RAD21: variants seen among roughly 807,000 people sequenced by gnomAD.
The protein encoded by RAD21 is double-strand-break repair protein rad21 homolog.
A neutral mutation model predicts 71.5 loss-of-function variants in RAD21; 18 were observed. The ratio of observed to expected loss-of-function variants is 0.25; its 90% CI spans 0.17 to 0.37. RAD21 has a LOEUF of 0.37. Among genes scored for constraint, RAD21 ranks in the 10% least tolerant of loss-of-function variants. RAD21 has a pLI of 1.00. For synonymous variants in RAD21, 248 were observed against 254.0 expected, an observed-to-expected ratio of 0.98 and a Z score of 0.22; for missense variants, 493 against 769.1, an observed-to-expected ratio of 0.64 and a Z score of 4.25.
intron 3 of RAD21, among the ~76,000 whole-genome samples, chr8:116,862,576 ATTATT>A (rs1166405328): frequency 6.6e-6 from 1 of 152,078 alleles, no homozygotes; most frequent in Non-Finnish European, 1.5e-5. Flanking sequence ...TAAAATACAC[ATTATT>A]TTAATTAGAA....
chr8:116,848,912 G>A, intron 13 of RAD21, 34 bp downstream of exon 13: 1 of 1,549,496 alleles, frequency 6.5e-7, no homozygotes, highest in Non-Finnish European at 8.8e-7. Context: ...AGCCTTTGAT[G>A]AAGCATTTTC....
chr8:116,872,696 T>C (rs1812854511), intron 1 of RAD21, among the ~76,000 whole-genome samples: 1 of 152,220 alleles, frequency 6.6e-6, no homozygotes, highest in Non-Finnish European at 1.5e-5. Flanking sequence ...CAGTTCAGTT[T>C]CCCTACTATG....
intron 9 of RAD21, among the ~76,000 whole-genome samples, chr8:116,853,733 T>C (rs957792318): frequency 3.3e-5 from 5 of 152,140 alleles, no homozygotes; most frequent in Non-Finnish European, 5.9e-5. Flanking sequence ...TCAGACAGAA[T>C]AGTAGCCTAA....
intron 3 of RAD21, 70 bp from the exon 4 acceptor site, chr8:116,862,010 T>A: frequency 8.4e-7 from 1 of 1,186,592 alleles, no homozygotes; most frequent in Non-Finnish European, 1.2e-6. Flanking sequence ...GGGAGATAAG[T>A]AGGTATAACT....
chr8:116,871,355 C>A (rs1476482539), intron 1 of RAD21, among the ~76,000 whole-genome samples: 1 of 152,088 alleles, frequency 6.6e-6, no homozygotes, highest in African/African-American at 2.4e-5. Flanking sequence ...AAGCGGCAAG[C>A]AGTTTTTTTC....
chr8:116,857,653 A>C (rs567327348), intron 5 of RAD21, among the ~76,000 whole-genome samples, 180 bp from the exon 6 acceptor site: 154 of 152,344 alleles, frequency 1.0e-3, no homozygotes, highest in Non-Finnish European at 1.9e-3. Flanking sequence ...AAAATGACTC[A>C]ATTACACACA....
intron 12 of RAD21, among the ~76,000 whole-genome samples, chr8:116,849,733 C>T (rs1812312152): frequency 6.6e-6 from 1 of 152,164 alleles, no homozygotes; most frequent in Non-Finnish European, 1.5e-5. Flanking sequence ...TCATTCACAA[C>T]TAAGTCTGAG....
rs766247586 is a variant in RAD21, at chr8:116,866,718, T to A, written c.12A>T (p.Ala4=). 1 of 1,610,298 alleles carries A rather than the reference T, an allele frequency of 6.2e-7. No individual in the cohort carries two copies. Among genetic ancestry groups the A allele is most frequent in the East Asian group, 2.2e-5 (1 of 44,824 alleles). ...GCCCTCTTTTACTGAGAACAAAATG[T>A]GCGTAGAACATTGTTCTGGCTGGCT... is the stretch of plus-strand genomic sequence containing the variant. MFY[A]HFVLSKRGPL... The change falls in exon 2 of 14, where the codon GCA becomes GCT. Residue 4 remains alanine (A), a synonymous_variant. Transcript: ENST00000297338.
At chr8:116,849,759 C>T (rs866347438) in intron 12 of RAD21, among the ~76,000 whole-genome samples, 2 of 152,242 alleles carry the variant, frequency 1.3e-5, no homozygotes, top group East Asian at 3.9e-4. Context: ...GGCACATCCT[C>T]ACACATAGGT....
intron 9 of RAD21, among the ~76,000 whole-genome samples, chr8:116,853,518 T>A (rs931451815): frequency 6.6e-6 from 1 of 152,216 alleles, no homozygotes; most frequent in Non-Finnish European, 1.5e-5. Context: ...TTCCACACTT[T>A]GAATTACTTC....
At chr8:116,857,178 C>G (rs1671230851) in intron 6 of RAD21, 89 bp downstream of exon 6, 10 of 1,153,400 alleles carry the variant, frequency 8.7e-6, no homozygotes, top group Non-Finnish European at 1.3e-5. Context: ...AAAAGCTGTT[C>G]AAGACTCAGA....
At chr8:116,870,929 T>C (rs2130492972) in intron 1 of RAD21, among the ~76,000 whole-genome samples, 1 of 152,280 alleles carries the variant, frequency 6.6e-6, no homozygotes, top group African/African-American at 2.4e-5. Flanking sequence ...CAGCTGCTGG[T>C]CAGAGCACCG....
rs1280816264 is a variant in RAD21, at chr8:116,856,217, G to GTGT, written c.883_885dup (p.Thr295dup). ...AATGCTTCTTCCTCATTTGGAACAA[G>GTGT]TGTTGTTTGATCAGTCATGGTTGGC... On this transcript the variant is annotated inframe_insertion, in exon 8 of 14. Coordinates refer to ENST00000297338, the MANE Select transcript of RAD21 (RefSeq NM_006265.3). The GTGT allele has an allele frequency of 6.3e-7, 1 of 1,590,588 alleles. No individual in the cohort carries two copies. Among genetic ancestry groups the GTGT allele is most frequent in the East Asian group, 2.3e-5 (1 of 43,290 alleles).
At chr8:116,862,663 T>C (rs1359560786) in intron 3 of RAD21, among the ~76,000 whole-genome samples, 1 of 152,212 alleles carries the variant, frequency 6.6e-6, no homozygotes, top group African/African-American at 2.4e-5. Flanking sequence ...TCTTCTTAGA[T>C]GGTGGTGTGG....
intron 4 of RAD21, among the ~76,000 whole-genome samples, chr8:116,859,624 A>G (rs2130473634): frequency 6.6e-6 from 1 of 152,158 alleles, no homozygotes; most frequent in South Asian, 2.1e-4. Flanking sequence ...TAATCAAGAA[A>G]TGTTCTGTGT....
chr8:116,854,197 T>A, intron 9 of RAD21, 48 bp downstream of exon 9: 1 of 1,394,196 alleles, frequency 7.2e-7, no homozygotes, highest in Non-Finnish European at 9.9e-7. Context: ...CTTTTTTTTT[T>A]AGATGCTCAA....
Position 116,859,276 on chromosome 8 carries a change from T to C in RAD21, c.375-818A>G, listed in dbSNP as rs555900557. ...GCCTTAAGCAAGTCTGTTGGTGCCATTTTCCAACAGCACAAGCTTACTTCA... is the reference window on the plus strand; with the variant it reads ...GCCTTAAGCAAGTCTGTTGGTGCCACTTTCCAACAGCACAAGCTTACTTCA... On this transcript the variant is annotated intron_variant, in intron 4 of 13. Transcript: ENST00000297338. Among the ~76,000 whole-genome samples, 4 of 152,280 alleles carry C rather than the reference T, an allele frequency of 2.6e-5. No homozygotes were observed. In the East Asian group the frequency reaches 5.8e-4, roughly 22 times the overall value.
At chr8:116,868,809 ATTT>A (rs35540220) in intron 1 of RAD21, among the ~76,000 whole-genome samples, 33 of 144,774 alleles carry the variant, frequency 2.3e-4, no homozygotes, top group African/African-American at 7.8e-4. Context: ...AGTTCAACTA[ATTT>A]TTTTTTTTTT....
intron 12 of RAD21, chr8:116,849,280 C>T (rs185207763): frequency 3.6e-4 from 136 of 381,284 alleles, no homozygotes; most frequent in African/African-American, 2.4e-3. Context: ...TTCTATATTG[C>T]GCTATAAGGA....
Sources: allele counts gnomAD v4.1 joint callset (sites outside exome capture counted in the v4.1 genomes callset), GRCh38; gene constraint gnomAD v4.1.1; transcripts MANE v1.5; gene names NCBI Gene and HGNC (gene_info 2026-07-23, HGNC 2026-07-21).